C8orf34: variants seen among roughly 807,000 people sequenced by gnomAD.
C8orf34 encodes uncharacterized protein C8orf34.
In C8orf34, 65 loss-of-function variants were observed where a neutral mutation model predicts 68.3. The ratio of observed to expected loss-of-function variants is 0.95; its 90% CI spans 0.78 to 1.17. The LOEUF (loss-of-function observed/expected upper bound fraction) is 1.17. Ranked by LOEUF, C8orf34 falls within the 50% of genes most tolerant of loss-of-function variation. The pLI is 0.00. For missense variants in C8orf34, 664 were observed against 655.4 expected (o/e 1.01, Z -0.14); for synonymous variants, 244 against 241.2 (o/e 1.01, Z -0.11).
intron 8 of C8orf34, among the ~76,000 whole-genome samples, chr8:68,662,034 C>T (rs1045741414): frequency 1.1e-4 from 17 of 152,008 alleles, no homozygotes; most frequent in Non-Finnish European, 5.9e-5. Context: ...ACCTGGGAGT[C>T]CCGCAAAATA....
At chr8:68,503,259 C>G (rs1354475804) in intron 5 of C8orf34, among the ~76,000 whole-genome samples, 1 of 151,992 alleles carries the variant, frequency 6.6e-6, no homozygotes, top group African/African-American at 2.4e-5. Context: ...TTATTGTTAT[C>G]TATGTTAATA....
chr8:68,564,970 A>G (rs540742205), intron 7 of C8orf34, among the ~76,000 whole-genome samples: 29 of 152,302 alleles, frequency 1.9e-4, no homozygotes, highest in Non-Finnish European at 3.5e-4. Context: ...TGGGTTGAGA[A>G]TAGGGTGCCT....
intron 8 of C8orf34, among the ~76,000 whole-genome samples, chr8:68,671,363 G>T (rs1256580245): frequency 6.6e-6 from 1 of 152,172 alleles, no homozygotes; most frequent in Non-Finnish European, 1.5e-5. Flanking sequence ...GCCCACAGAT[G>T]TTGAAAATTG....
At position 68,761,890 on chromosome 8, in the gene C8orf34, T is replaced by TA. The variant is rs34116642; in HGVS notation, c.1405-14500dup. The stretch of plus-strand genomic sequence containing the variant: ...TTTATAATCCCGTGTCTATGTGATT[T>TA]AAAAAAAAATAAAAAGCATAGTAGA... On this transcript the variant is annotated intron_variant, in intron 10 of 13. Coordinates refer to ENST00000518698, the MANE Select transcript of C8orf34 (RefSeq NM_052958.4). Among the ~76,000 whole-genome samples the TA allele has an allele frequency of 5.2e-3, 792 of 151,786 alleles. 7 individuals carry two copies. The highest frequency in any genetic ancestry group is 0.018 in the African/African-American group (750 of 41,416).
intron 7 of C8orf34, among the ~76,000 whole-genome samples, chr8:68,611,381 C>G (rs188646944): frequency 1.3e-5 from 2 of 152,252 alleles, no homozygotes; most frequent in Admixed American, 1.3e-4. Context: ...AAAGGGAAAT[C>G]AGAGAAATCC....
At chr8:68,464,681 G>C (rs1448504574) in intron 3 of C8orf34, among the ~76,000 whole-genome samples, 31 of 151,528 alleles carry the variant, frequency 2.0e-4, no homozygotes, top group Admixed American at 2.0e-3. Context: ...ACAAACCTGA[G>C]AAAAACAAGC....
chr8:68,772,262 T>G (rs1029115294), intron 10 of C8orf34, among the ~76,000 whole-genome samples: 2 of 152,206 alleles, frequency 1.3e-5, no homozygotes, highest in Non-Finnish European at 2.9e-5. Context: ...AAATGTACCC[T>G]ACACACAAGT....
intron 10 of C8orf34, among the ~76,000 whole-genome samples, chr8:68,736,687 A>G (rs1822131393): frequency 6.6e-6 from 1 of 152,136 alleles, no homozygotes; most frequent in Admixed American, 6.6e-5. Context: ...GAGATACTCA[A>G]TAAATGCTTG....
chr8:68,353,662 A>G (rs771906934), intron 1 of C8orf34, among the ~76,000 whole-genome samples: 173 of 147,104 alleles, frequency 1.2e-3, no homozygotes, highest in Non-Finnish European at 2.2e-3. Flanking sequence ...TATATAGTTG[A>G]TCCATATTCT....
intron 7 of C8orf34, among the ~76,000 whole-genome samples, chr8:68,619,862 T>A (rs1178068870): frequency 6.6e-6 from 1 of 152,176 alleles, no homozygotes; most frequent in African/African-American, 2.4e-5. Context: ...AAAGCCCTTA[T>A]AATTTCTGGC....
At chr8:68,520,497 C>G (rs1191576985) in intron 5 of C8orf34, among the ~76,000 whole-genome samples, 1 of 152,128 alleles carries the variant, frequency 6.6e-6, no homozygotes, top group Non-Finnish European at 1.5e-5. Context: ...GTTGCCCAGG[C>G]TGGAGTGCAG....
intron 10 of C8orf34, among the ~76,000 whole-genome samples, chr8:68,742,190 C>T (rs550803714): frequency 5.2e-4 from 79 of 152,286 alleles, no homozygotes; most frequent in Non-Finnish European, 1.0e-3. Flanking sequence ...TAAGCCATTG[C>T]CTCCTTATGG....
chr8:68,331,441 C>A, intron 1 of C8orf34, 102 bp downstream of exon 1: 1 of 1,300,766 alleles, frequency 7.7e-7, no homozygotes, highest in South Asian at 1.3e-5. Context: ...GGAAGGAGGG[C>A]TAGAGAACCA....
intron 4 of C8orf34, among the ~76,000 whole-genome samples, chr8:68,480,388 G>T: frequency 6.6e-6 from 1 of 152,120 alleles, no homozygotes; most frequent in Middle Eastern, 3.2e-3. Context: ...CCCAGTTTTG[G>T]GTATGTCTTT....
intron 6 of C8orf34, among the ~76,000 whole-genome samples, chr8:68,530,091 T>G (rs1815180232): frequency 6.6e-6 from 1 of 152,084 alleles, no homozygotes; most frequent in Admixed American, 6.5e-5. Flanking sequence ...TCTATTACAT[T>G]TTGTTAAATT....
intron 6 of C8orf34, among the ~76,000 whole-genome samples, chr8:68,529,132 G>A (rs1718041613): frequency 6.6e-6 from 1 of 152,164 alleles, no homozygotes; most frequent in South Asian, 2.1e-4. Flanking sequence ...GCAATTAATT[G>A]TTCTCTGTCT....
intron 10 of C8orf34, among the ~76,000 whole-genome samples, chr8:68,721,949 T>C (rs1269337192): frequency 1.2e-4 from 18 of 152,050 alleles, no homozygotes; most frequent in Admixed American, 6.5e-5. Flanking sequence ...GTTCATAAAA[T>C]TTTTTAGTTT....
At chr8:68,782,303 T>G (rs1170196545) in intron 11 of C8orf34, among the ~76,000 whole-genome samples, 1 of 152,168 alleles carries the variant, frequency 6.6e-6, no homozygotes, top group Non-Finnish European at 1.5e-5. Context: ...TTTTTTACAT[T>G]TATGCTGTTT....
intron 5 of C8orf34, among the ~76,000 whole-genome samples, chr8:68,489,469 T>C (rs1001284728): frequency 6.6e-6 from 1 of 152,186 alleles, no homozygotes; most frequent in Non-Finnish European, 1.5e-5. Context: ...AGAGATATCA[T>C]GGGGCTGGGA....
Sources: allele counts gnomAD v4.1 joint callset (sites outside exome capture counted in the v4.1 genomes callset), GRCh38; gene constraint gnomAD v4.1.1; transcripts MANE v1.5; gene names NCBI Gene and HGNC (gene_info 2026-07-23, HGNC 2026-07-21).